Variants in NR2F1-AS1 observed in about 807,000 individuals in gnomAD.
NR2F1-AS1 encodes the protein NR2F1 regulatory antisense RNA 1.
chr5:93,564,860 T>G (rs1752579645), intron 1 of NR2F1-AS1, among the ~76,000 whole-genome samples: 1 of 152,154 alleles, frequency 6.6e-6, no homozygotes, highest in African/African-American at 2.4e-5. Flanking sequence ...ATTATATTTA[T>G]TACATTATAT....
intron 4 of NR2F1-AS1, among the ~76,000 whole-genome samples, chr5:93,463,111 C>A (rs889762236): frequency 1.3e-5 from 2 of 152,208 alleles, no homozygotes; most frequent in Admixed American, 1.3e-4. Context: ...CCACCCATCA[C>A]AGGCCCAGAG....
chr5:93,561,042 G>T (rs1752475651), intron 2 of NR2F1-AS1, among the ~76,000 whole-genome samples: 1 of 151,878 alleles, frequency 6.6e-6, no homozygotes, highest in African/African-American at 2.4e-5. Context: ...GGGATACCGA[G>T]GCGGGCAGAT....
chr5:93,493,656 A>G (rs1189462254), intron 4 of NR2F1-AS1, among the ~76,000 whole-genome samples: 1 of 152,130 alleles, frequency 6.6e-6, no homozygotes, highest in Non-Finnish European at 1.5e-5. Flanking sequence ...AGATATATAG[A>G]ACAACAGAAT....
chr5:93,434,699 C>G (rs1449665475), intron 4 of NR2F1-AS1, among the ~76,000 whole-genome samples: 2 of 152,108 alleles, frequency 1.3e-5, no homozygotes, highest in Non-Finnish European at 2.9e-5. Context: ...CCAAAATGTG[C>G]TGTATGGCAA....
chr5:93,482,896 T>C (rs249257), intron 4 of NR2F1-AS1, among the ~76,000 whole-genome samples: 112,218 of 152,154 alleles, frequency 0.74, 42,047 homozygotes, highest in African/African-American at 0.85. Context: ...CAGACTGCCT[T>C]TCTAGATTTC....
At chr5:93,584,593 A>C (rs984591169), upstream of NR2F1-AS1, 1 of 143,384 alleles carries the variant, frequency 7.0e-6, no homozygotes, top group Non-Finnish European at 1.5e-5. Context: ...AAGAAGAAAA[A>C]AGCGAGAGAA....
At chr5:93,489,535 C>T (rs184685790) in intron 4 of NR2F1-AS1, among the ~76,000 whole-genome samples, 29 of 152,040 alleles carry the variant, frequency 1.9e-4, no homozygotes, top group Admixed American at 5.9e-4. Flanking sequence ...TCCTTTATTA[C>T]GGTGGTTCGG....
At chr5:93,544,457 A>C (rs1427537511) in intron 4 of NR2F1-AS1, among the ~76,000 whole-genome samples, 1 of 152,198 alleles carries the variant, frequency 6.6e-6, no homozygotes, top group Non-Finnish European at 1.5e-5. Context: ...AGAAACAGAC[A>C]TCTCAAAATA....
intron 4 of NR2F1-AS1, among the ~76,000 whole-genome samples, chr5:93,537,831 A>G (rs1198317544): frequency 6.6e-6 from 1 of 152,156 alleles, no homozygotes; most frequent in East Asian, 1.9e-4. Flanking sequence ...ATTTCATTCA[A>G]TGTCCTTCAT....
chr5:93,548,269 C>G (rs964481610), intron 4 of NR2F1-AS1, among the ~76,000 whole-genome samples: 3 of 152,132 alleles, frequency 2.0e-5, no homozygotes, highest in African/African-American at 7.2e-5. Flanking sequence ...CAAGCTAATT[C>G]AATCAATTTA....
intron 1 of NR2F1-AS1, among the ~76,000 whole-genome samples, chr5:93,575,246 C>T (rs1267141085): frequency 6.6e-6 from 1 of 152,230 alleles, no homozygotes; most frequent in African/African-American, 2.4e-5. Context: ...AAGCCCAGTG[C>T]TTTCAGTCCT....
chr5:93,463,641 G>C (rs1580247415), intron 4 of NR2F1-AS1, among the ~76,000 whole-genome samples: 1 of 152,210 alleles, frequency 6.6e-6, no homozygotes, highest in African/African-American at 2.4e-5. Context: ...CCTGTACCCT[G>C]TAAAGCCACA....
chr5:93,410,767 T>A (rs543986637), intron 4 of NR2F1-AS1: 1 of 151,796 alleles, frequency 6.6e-6, no homozygotes, highest in Non-Finnish European at 1.5e-5. Context: ...CCCCAAGAAA[T>A]CCACAAGCAA....
chr5:93,585,012 G>C (rs1267654792), upstream of NR2F1-AS1: 2 of 1,000,528 alleles, frequency 2.0e-6, no homozygotes, highest in Middle Eastern at 2.9e-4. Flanking sequence ...AGCGCTCCCC[G>C]GGCCCAAAGA....
At chr5:93,418,581 T>A (rs1749018268) in intron 4 of NR2F1-AS1, among the ~76,000 whole-genome samples, 3 of 142,084 alleles carry the variant, frequency 2.1e-5, no homozygotes, top group Admixed American at 6.8e-5. Flanking sequence ...CGAGACGCCG[T>A]CTCATAAAAA....
At chr5:93,560,843 A>C (rs1752469780) in intron 2 of NR2F1-AS1, among the ~76,000 whole-genome samples, 1 of 152,266 alleles carries the variant, frequency 6.6e-6, no homozygotes, top group Non-Finnish European at 1.5e-5. Context: ...TCCCATATGA[A>C]TTTCAATACC....
At chr5:93,516,065 AAATG>A (rs751694954) in intron 4 of NR2F1-AS1, among the ~76,000 whole-genome samples, 8 of 151,956 alleles carry the variant, frequency 5.3e-5, no homozygotes, top group Non-Finnish European at 8.8e-5. Context: ...ACTGCGCAAA[AAATG>A]AATGAATGAA....
chr5:93,526,853 A>G (rs770115003), intron 4 of NR2F1-AS1, among the ~76,000 whole-genome samples: 2 of 152,202 alleles, frequency 1.3e-5, no homozygotes, highest in Non-Finnish European at 2.9e-5. Context: ...ATCTCAAAAT[A>G]ATAAGAGCTA....
intron 4 of NR2F1-AS1, among the ~76,000 whole-genome samples, chr5:93,471,821 T>A (rs1750371752): frequency 6.6e-6 from 1 of 151,920 alleles, no homozygotes; most frequent in African/African-American, 2.4e-5. Flanking sequence ...CCCCGGTTAA[T>A]AATTATCAAT....
Sources: gnomAD v4.1 joint callset for allele counts (sites outside exome capture counted in the v4.1 genomes callset) on GRCh38, gnomAD v4.1.1 for gene constraint, MANE v1.5 for transcripts, NCBI Gene and HGNC (gene_info 2026-07-23, HGNC 2026-07-21) for gene names.